SYCP1: variants seen among roughly 807,000 people sequenced by gnomAD.
The protein encoded by SYCP1 is synaptonemal complex protein 1.
A neutral mutation model predicts 153.1 loss-of-function variants in SYCP1; 64 were observed. The ratio of observed to expected loss-of-function variants is 0.42; its 90% CI spans 0.34 to 0.51. The LOEUF is 0.51. SYCP1 is among the 20% of genes least tolerant of loss of function. The pLI is 0.06. For synonymous variants in SYCP1, 384 were observed against 341.8 expected (o/e 1.12, Z -1.36); for missense variants, 997 against 1,049.0 (o/e 0.95, Z 0.68).
intron 23 of SYCP1, among the ~76,000 whole-genome samples, chr1:114,939,325 T>C (rs1053265460): frequency 1.3e-5 from 2 of 152,176 alleles, no homozygotes; most frequent in East Asian, 1.9e-4. Flanking sequence ...TGGAAACATG[T>C]CCACTAAAAA....
At chr1:114,900,257 C>G (rs360650) in intron 16 of SYCP1, among the ~76,000 whole-genome samples, 76,464 of 151,912 alleles carry the variant, frequency 0.5, 20,106 homozygotes, top group Non-Finnish European at 0.59. Context: ...CCTTAGGCAA[C>G]AATTTACATT....
chr1:114,947,210 G>A, intron 26 of SYCP1, 36 bp from the exon 27 acceptor site: 1 of 1,456,818 alleles, frequency 6.9e-7, no homozygotes, highest in Non-Finnish European at 9.6e-7. Context: ...GAAATACATG[G>A]AAGCTCTTCT....
intron 27 of SYCP1, among the ~76,000 whole-genome samples, chr1:114,957,553 A>C (rs1309075561): frequency 1.3e-5 from 2 of 152,230 alleles, no homozygotes; most frequent in Admixed American, 1.3e-4. Flanking sequence ...CCAACAAGAG[A>C]TGAATAACCA....
chr1:114,963,408 A>G (rs2101890355), intron 27 of SYCP1, among the ~76,000 whole-genome samples: 1 of 152,066 alleles, frequency 6.6e-6, no homozygotes, highest in Non-Finnish European at 1.5e-5. Context: ...AAATTCTGGG[A>G]TACGTGTGCA....
In SYCP1 at chr1:114,944,348, T is replaced by A. The variant is rs1670556871; in HGVS notation, c.1936T>A (p.Leu646Ile). Residue 646 changes from leucine to isoleucine, a missense_variant, in exon 24 of 32, where the codon TTA becomes ATA. Coordinates refer to ENST00000369522, the MANE Select transcript of SYCP1 (RefSeq NM_003176.4). ...LNVYEIKVNK[L>I]ELELESAKQK... ...TTTTCTTTACTTAAAGGTCAATAAATTAGAGTTAGAACTAGAAAGTGCCAA... is the reference window on the plus strand; with the variant it reads ...TTTTCTTTACTTAAAGGTCAATAAAATAGAGTTAGAACTAGAAAGTGCCAA... 6.3e-7 allele frequency: 1 copy of A among 1,589,642 alleles called. No homozygotes were observed. Among genetic ancestry groups the A allele is most frequent in the African/African-American group, 1.3e-5 (1 of 74,102 alleles).
At chr1:114,923,680 GA>G (rs1226823872) in intron 21 of SYCP1, 150 bp downstream of exon 21, 92 of 728,612 alleles carry the variant, frequency 1.3e-4, no homozygotes, top group Non-Finnish European at 1.7e-4. Context: ...AAATATCTAG[GA>G]AAGGTTGGAT....
At chr1:114,913,734 A>G (rs1307940361) in intron 19 of SYCP1, among the ~76,000 whole-genome samples, 1 of 152,110 alleles carries the variant, frequency 6.6e-6, no homozygotes, top group African/African-American at 2.4e-5. Flanking sequence ...TACAGACTCA[A>G]AGTAACGCTG....
chr1:114,918,078 G>T (rs1377054255), intron 20 of SYCP1, among the ~76,000 whole-genome samples: 1 of 151,998 alleles, frequency 6.6e-6, no homozygotes, highest in African/African-American at 2.4e-5. Context: ...GTCCTGGAGA[G>T]TTTCCTCGAC....
chr1:114,926,677 A>G (rs1388684978), intron 23 of SYCP1, 114 bp downstream of exon 23: 2 of 885,896 alleles, frequency 2.3e-6, no homozygotes, highest in Non-Finnish European at 1.6e-6. Flanking sequence ...AACAGTATCA[A>G]TTGAAAAGTT....
intron 12 of SYCP1, among the ~76,000 whole-genome samples, chr1:114,880,190 T>C (rs1665822792): frequency 6.6e-6 from 1 of 152,214 alleles, no homozygotes; most frequent in African/African-American, 2.4e-5. Flanking sequence ...TTCACATTGT[T>C]ATGCAACCAT....
chr1:114,889,208 TG>T, intron 15 of SYCP1, among the ~76,000 whole-genome samples: 1 of 152,362 alleles, frequency 6.6e-6, no homozygotes, highest in South Asian at 2.1e-4. Flanking sequence ...TATAATCCTT[TG>T]GGTATATACC....
chr1:114,914,714 GC>G (rs1668406179), intron 20 of SYCP1, among the ~76,000 whole-genome samples: 1 of 152,128 alleles, frequency 6.6e-6, no homozygotes, highest in Admixed American at 6.6e-5. Flanking sequence ...TGCTTTCTAG[GC>G]TAAGTTCCAA....
rs764002475 is a variant in SYCP1, at chr1:114,995,001, T to C, written c.2913T>C (p.Ala971=). ...KMDRKKKLKE[A]EKLFV ...ATAGAAAAAAAAAACTAAAAGAAGC[T>C]GAAAAGTTATTTGTTTAATTTCAGA... The change falls in exon 32 of 32, where the codon GCT becomes GCC. Residue 971 remains alanine, a synonymous_variant. Coordinates refer to ENST00000369522, the MANE Select transcript of SYCP1 (RefSeq NM_003176.4). 1 of 1,598,692 alleles carries C rather than the reference T, an allele frequency of 6.3e-7. No homozygotes were observed. Among genetic ancestry groups the C allele is most frequent in the Non-Finnish European group, 8.5e-7 (1 of 1,173,858 alleles).
chr1:114,893,685 CTAAGTA>C (rs1410767185), intron 15 of SYCP1, among the ~76,000 whole-genome samples: 5 of 152,034 alleles, frequency 3.3e-5, no homozygotes, highest in African/African-American at 4.8e-5. Flanking sequence ...TGTTGACTCT[CTAAGTA>C]TAAGTATTCT....
Position 114,859,789 on chromosome 1 carries a change from A to T in SYCP1, c.503A>T (p.Glu168Val). The T allele has an allele frequency of 1.3e-6, 1 of 761,612 alleles. No homozygotes were observed. Among genetic ancestry groups the T allele is most frequent in the Non-Finnish European group, 1.9e-6 (1 of 531,214 alleles). The allele number at this position is 761,612 out of a possible 1,614,324, so 47.2% of individuals were successfully genotyped here. Residue 168 changes from glutamate to valine, a missense_variant, in exon 7 of 32, where the codon GAA becomes GTA. Transcript: ENST00000369522. ...VSLKLEEGIQ[E>V]NKDLIKENNA... is the part of the protein sequence containing the mutation. ...TTGAAATTAGAAGAAGGAATACAAGAAAATAAAGATTTAATAAAAGAGTAA... is the reference window on the plus strand; with the variant it reads ...TTGAAATTAGAAGAAGGAATACAAGTAAATAAAGATTTAATAAAAGAGTAA...
chr1:114,934,191 C>G (rs536511545), intron 23 of SYCP1, among the ~76,000 whole-genome samples: 1 of 152,304 alleles, frequency 6.6e-6, no homozygotes, highest in East Asian at 1.9e-4. Context: ...AAGGGAAGGC[C>G]ATCAGACTAA....
At chr1:114,924,830 A>G (rs907978950) in intron 21 of SYCP1, among the ~76,000 whole-genome samples, 1 of 152,090 alleles carries the variant, frequency 6.6e-6, no homozygotes, top group Non-Finnish European at 1.5e-5. Flanking sequence ...CCTAAGCTAC[A>G]TTTAAGAGTT....
At position 114,962,525 on chromosome 1, in the gene SYCP1, C is replaced by T. The variant is rs867569191; in HGVS notation, c.2323-15032C>T. On this transcript the variant is annotated intron_variant, in intron 27 of 31. Transcript: ENST00000369522. ...ATTTGCATGGAATATCTTTTTCCAC[C>T]CCTTTACCTTAAGTTTATGTGAGTC... 3.3e-5 allele frequency among the ~76,000 whole-genome samples: 5 copies of T among 151,994 alleles called. No homozygotes were observed. In the South Asian group the frequency reaches 1.0e-3, roughly 32 times the overall value.
intron 27 of SYCP1, among the ~76,000 whole-genome samples, chr1:114,956,906 G>A (rs146772045): frequency 4.1e-4 from 62 of 150,788 alleles, no homozygotes; most frequent in African/African-American, 1.4e-3. Flanking sequence ...ATCTCTCAGT[G>A]TGCAGACATT....
Sources: gnomAD v4.1 joint callset for allele counts (sites outside exome capture counted in the v4.1 genomes callset) on GRCh38, gnomAD v4.1.1 for gene constraint, MANE v1.5 for transcripts, NCBI Gene and HGNC (gene_info 2026-07-23, HGNC 2026-07-21) for gene names.